Variants in OR51B5 observed in about 807,000 individuals in gnomAD.
OR51B5 encodes olfactory receptor family 51 subfamily B member 5.
For missense variants in OR51B5, 456 were observed against 374.6 expected (o/e 1.22, Z -1.79); for synonymous variants, 186 against 144.8 (o/e 1.28, Z -2.04).
intron 1 of OR51B5, among the ~76,000 whole-genome samples, chr11:5,482,535 A>G (rs1289570743): frequency 8.5e-6 from 1 of 118,252 alleles, no homozygotes; most frequent in Non-Finnish European, 1.7e-5. Flanking sequence ...GAGCTTCTGC[A>G]CAGCAAAAGA....
chr11:5,360,004 T>G, intron 1 of OR51B5, among the ~76,000 whole-genome samples: 1 of 152,212 alleles, frequency 6.6e-6, no homozygotes, highest in Non-Finnish European at 1.5e-5. Context: ...CAAGATGGAT[T>G]ACAGACTTAA....
intron 1 of OR51B5, among the ~76,000 whole-genome samples, chr11:5,378,306 T>C (rs569880895): frequency 5.3e-5 from 8 of 151,884 alleles, no homozygotes; most frequent in Admixed American, 2.6e-4. Context: ...ATACAAAAAT[T>C]AATTCAAGAT....
At position 5,430,771 on chromosome 11, in the gene OR51B5, A is replaced by C. The variant is rs537594796; in HGVS notation, n.84+74798T>G. On this transcript the variant is annotated intron_variant and non_coding_transcript_variant, in intron 1 of 4. Coordinates refer to the OR51B5 transcript ENST00000415970. ...TGGCACCAAAAGGCAGATGCTAGACATAAGTGTGTGGACAATGGGAGAAGC... is the reference window on the plus strand; with the variant it reads ...TGGCACCAAAAGGCAGATGCTAGACCTAAGTGTGTGGACAATGGGAGAAGC... 60 of 457,180 alleles carry C rather than the reference A, an allele frequency of 1.3e-4. 1 individual carries two copies. Among genetic ancestry groups the C allele is most frequent in the Admixed American group, 8.7e-4 (37 of 42,576 alleles). 28.3% of individuals were successfully genotyped at this position (457,180 alleles called of 1,614,324 possible).
chr11:5,455,246 TA>T, intron 1 of OR51B5: 1 of 151,978 alleles, frequency 6.6e-6, no homozygotes, highest in East Asian at 1.9e-4. Context: ...GGAATTGTGG[TA>T]GGGGCACAAT....
chr11:5,443,805 A>C (rs1275747752), intron 1 of OR51B5, among the ~76,000 whole-genome samples: 1 of 152,084 alleles, frequency 6.6e-6, no homozygotes, highest in African/African-American at 2.4e-5. Context: ...AATGTGACCT[A>C]TCTTGGAAGG....
intron 1 of OR51B5, among the ~76,000 whole-genome samples, chr11:5,382,044 A>C (rs1227050469): frequency 1.3e-5 from 2 of 152,194 alleles, no homozygotes; most frequent in African/African-American, 4.8e-5. Flanking sequence ...TATTGTTAAC[A>C]ATGTACTCTG....
At chr11:5,373,136 C>T (rs1267807489) in intron 1 of OR51B5, among the ~76,000 whole-genome samples, 1 of 152,052 alleles carries the variant, frequency 6.6e-6, no homozygotes, top group Non-Finnish European at 1.5e-5. Context: ...TAAAATTGGA[C>T]CTTTACCTTA....
chr11:5,376,009 T>A (rs1426140957), intron 1 of OR51B5, among the ~76,000 whole-genome samples: 1 of 141,320 alleles, frequency 7.1e-6, no homozygotes, highest in African/African-American at 3.2e-5. Flanking sequence ...AGAATATACA[T>A]TTTTTTTCAG....
intron 1 of OR51B5, among the ~76,000 whole-genome samples, chr11:5,375,425 C>T (rs917745582): frequency 1.5e-5 from 2 of 134,006 alleles, no homozygotes; most frequent in African/African-American, 2.7e-5. Flanking sequence ...ACTGCATCAA[C>T]TAACGAGCAA....
At chr11:5,489,221 G>C (rs573874618) in intron 1 of OR51B5, 3 of 1,613,928 alleles carry the variant, frequency 1.9e-6, no homozygotes, top group Non-Finnish European at 2.5e-6. Context: ...CTCCCCTACT[G>C]TGGTCACCGT....
intron 1 of OR51B5, among the ~76,000 whole-genome samples, chr11:5,432,533 C>T (rs914866068): frequency 2.0e-5 from 3 of 152,128 alleles, no homozygotes; most frequent in African/African-American, 7.2e-5. Flanking sequence ...GTCACATATT[C>T]AGTATTTTGA....
At chr11:5,423,081 A>G (rs750458057) in intron 1 of OR51B5, 9 of 1,614,116 alleles carry the variant, frequency 5.6e-6, no homozygotes, top group Non-Finnish European at 7.6e-6. Flanking sequence ...CCCATCATTT[A>G]CAGTGTAAAG....
chr11:5,347,691 C>T (rs1311090116), upstream of OR51B5, among the ~76,000 whole-genome samples: 1 of 152,022 alleles, frequency 6.6e-6, no homozygotes, highest in Non-Finnish European at 1.5e-5. Flanking sequence ...AGACAGAGAT[C>T]TTGAGTTGTG....
At chr11:5,441,233 A>C in intron 1 of OR51B5, 1 of 1,614,010 alleles carries the variant, frequency 6.2e-7, no homozygotes, top group Non-Finnish European at 8.5e-7. Flanking sequence ...CATTAAACGC[A>C]ACATGGTTGT....
chr11:5,352,129 G>T (rs936222203), intron 1 of OR51B5: 1 of 1,614,094 alleles, frequency 6.2e-7, no homozygotes, highest in East Asian at 2.2e-5. Context: ...GGTCTTGTTG[G>T]ACTTTCTCAT....
intron 1 of OR51B5, chr11:5,505,224 G>A: frequency 3.0e-6 from 3 of 1,005,060 alleles, no homozygotes; most frequent in Non-Finnish European, 1.3e-6. Context: ...ATGGAAGGCA[G>A]ATAAATGCAG....
chr11:5,412,525 T>C (rs539798680), intron 1 of OR51B5, among the ~76,000 whole-genome samples: 2,206 of 152,232 alleles, frequency 0.014, 27 homozygotes, highest in South Asian at 0.028. Context: ...GTCAGGGAGT[T>C]CCCTTTCCTA....
intron 1 of OR51B5, among the ~76,000 whole-genome samples, chr11:5,349,211 G>T (rs1048929482): frequency 1.3e-5 from 2 of 152,044 alleles, no homozygotes; most frequent in Non-Finnish European, 2.9e-5. Flanking sequence ...GCAACTGAGT[G>T]AATCAAGTGA....
At chr11:5,431,460 A>G (rs954347820) in intron 1 of OR51B5, 3 of 170,490 alleles carry the variant, frequency 1.8e-5, no homozygotes, top group Non-Finnish European at 3.9e-5. Flanking sequence ...CACTGCTGCC[A>G]TAATTAGGAT....
Sources: gnomAD v4.1 joint callset for allele counts (sites outside exome capture counted in the v4.1 genomes callset) on GRCh38, gnomAD v4.1.1 for gene constraint, MANE v1.5 for transcripts, NCBI Gene and HGNC (gene_info 2026-07-23, HGNC 2026-07-21) for gene names.